SRGAP3: variants seen among roughly 807,000 people sequenced by gnomAD.
The protein encoded by SRGAP3 is SLIT-ROBO Rho GTPase activating protein 3.
Under a neutral mutation model 121.1 loss-of-function variants are expected in SRGAP3, and 39 were observed. The observed-to-expected ratio is 0.32, with a 90% CI of 0.25 to 0.42. SRGAP3 has a LOEUF of 0.42. Among genes scored for constraint, SRGAP3 ranks in the 10% least tolerant of loss-of-function variants. The pLI is 1.00. For synonymous variants in SRGAP3, 601 were observed against 570.0 expected (o/e 1.05, Z -0.77); for missense variants, 1,213 against 1,470.6 (o/e 0.82, Z 2.86).
At chr3:9,203,574 C>A (rs776141331) in intron 1 of SRGAP3, among the ~76,000 whole-genome samples, 1 of 152,258 alleles carries the variant, frequency 6.6e-6, no homozygotes, top group Admixed American at 6.5e-5. Flanking sequence ...TGCTCCTGCA[C>A]CCTCTGCCCA....
At position 8,980,884 on chromosome 3, in the gene SRGAP3, T is replaced by C; in HGVS notation, c.*4635A>G. 1 of 233,558 alleles carries C rather than the reference T, an allele frequency of 4.3e-6. No homozygotes were observed. The highest frequency in any genetic ancestry group is 8.5e-6 in the Non-Finnish European group (1 of 117,948). 14.5% of individuals were successfully genotyped at this position (233,558 alleles called of 1,614,324 possible). Reference sequence around the variant, plus strand: ...CTGAAGCAATCAGAATCAAACCTATTGCCAAACCATGTAAACAGTCACACT... The same window carrying C: ...CTGAAGCAATCAGAATCAAACCTATCGCCAAACCATGTAAACAGTCACACT... On this transcript the variant is annotated 3_prime_UTR_variant, in exon 22 of 22. Coordinates refer to ENST00000383836, the MANE Select transcript of SRGAP3 (RefSeq NM_014850.4).
At chr3:9,287,787 G>T (rs1054535357) in intron 3 of SRGAP3, among the ~76,000 whole-genome samples, 1 of 152,156 alleles carries the variant, frequency 6.6e-6, no homozygotes, top group Non-Finnish European at 1.5e-5. Flanking sequence ...CTCATTAGTG[G>T]TTTGTATTAT....
At chr3:9,078,362 C>T (rs1033957545) in intron 4 of SRGAP3, among the ~76,000 whole-genome samples, 2 of 152,132 alleles carry the variant, frequency 1.3e-5, no homozygotes, top group Admixed American at 6.5e-5. Flanking sequence ...AGGACCTAGA[C>T]TGGGGAGCAC....
At chr3:9,334,608 A>T (rs560763933) in intron 1 of SRGAP3, among the ~76,000 whole-genome samples, 2 of 152,162 alleles carry the variant, frequency 1.3e-5, no homozygotes, top group African/African-American at 4.8e-5. Context: ...TTTGCAGATA[A>T]TATTCTCATA....
chr3:9,094,258 C>G (rs931073131), intron 3 of SRGAP3, among the ~76,000 whole-genome samples: 4 of 152,024 alleles, frequency 2.6e-5, no homozygotes, highest in Admixed American at 1.3e-4. Context: ...TTTTTTCACC[C>G]AACATTAAGT....
At position 9,075,390 on chromosome 3, in the gene SRGAP3, T is replaced by TGTGTGCGC. The variant is rs1454621766; in HGVS notation, c.486+4634_486+4635insGCGCACAC. Among the ~76,000 whole-genome samples the TGTGTGCGC allele has an allele frequency of 3.2e-3, 480 of 148,614 alleles. 2 individuals are homozygous for TGTGTGCGC. The highest frequency in any genetic ancestry group is 0.024 in the Middle Eastern group (7 of 290). ...ATGTATGCAAGTGTGTGTGTGTGTG[T>TGTGTGCGC]GCGCGCGCACATATGTGCATAAACA... On this transcript the variant is annotated intron_variant, in intron 4 of 21. Transcript: ENST00000383836.
At chr3:9,024,188 CT>C (rs560656445) in intron 14 of SRGAP3, among the ~76,000 whole-genome samples, 4 of 152,092 alleles carry the variant, frequency 2.6e-5, no homozygotes, top group Non-Finnish European at 5.9e-5. Flanking sequence ...GGGTTGGGGT[CT>C]TCAGCACCAG....
At chr3:9,360,623 T>C (rs946730093) in intron 1 of SRGAP3, among the ~76,000 whole-genome samples, 1 of 152,196 alleles carries the variant, frequency 6.6e-6, no homozygotes, top group Non-Finnish European at 1.5e-5. Context: ...CTCACAATCA[T>C]GGTGGAAGGT....
chr3:9,028,025 C>A, intron 12 of SRGAP3: 2 of 1,567,846 alleles, frequency 1.3e-6, no homozygotes, highest in East Asian at 2.2e-5. Flanking sequence ...GCAAGGTGGG[C>A]TCTGTTCTGG....
chr3:9,092,111 G>A (rs754480764), intron 3 of SRGAP3, among the ~76,000 whole-genome samples: 4 of 152,008 alleles, frequency 2.6e-5, no homozygotes, highest in Non-Finnish European at 5.9e-5. Context: ...TAGCACCGTG[G>A]CCAGCATTTC....
intron 1 of SRGAP3, among the ~76,000 whole-genome samples, chr3:9,137,083 G>A (rs921342784): frequency 2.2e-4 from 34 of 152,300 alleles, no homozygotes; most frequent in South Asian, 8.3e-4. Context: ...CTATTATCCC[G>A]TTTTGCAGAG....
Position 9,135,491 on chromosome 3 carries a change from C to A in SRGAP3, c.68-10574G>T, listed in dbSNP as rs555397310. Among the ~76,000 whole-genome samples, 8 of 152,150 alleles carry A rather than the reference C, an allele frequency of 5.3e-5. No individual in the cohort carries two copies. The East Asian group carries it at 9.6e-4, about 18-fold the overall frequency. On this transcript the variant is annotated intron_variant, in intron 1 of 21. Transcript: ENST00000383836. ...CCTTGCCCTCCAACTCCAGCCCTAG[C>A]GGAGATGATGTGGCCCAGTGGATAG...
intron 1 of SRGAP3, among the ~76,000 whole-genome samples, chr3:9,350,291 C>T (rs937175601): frequency 2.0e-5 from 3 of 152,168 alleles, no homozygotes; most frequent in African/African-American, 7.2e-5. Flanking sequence ...ATGAAAATCT[C>T]CTTCTTGGAG....
intron 1 of SRGAP3, among the ~76,000 whole-genome samples, chr3:9,167,340 C>A (rs1305640607): frequency 6.6e-6 from 1 of 152,130 alleles, no homozygotes; most frequent in Non-Finnish European, 1.5e-5. Context: ...CCTCTTCACT[C>A]TCTCTCTCAT....
At chr3:9,282,267 T>G (rs1954693284) in intron 3 of SRGAP3, among the ~76,000 whole-genome samples, 1 of 152,236 alleles carries the variant, frequency 6.6e-6, no homozygotes, top group Non-Finnish European at 1.5e-5. Context: ...TTAAAACTAC[T>G]TATTAGTTTA....
intron 1 of SRGAP3, among the ~76,000 whole-genome samples, chr3:9,135,089 C>T (rs1949595565): frequency 6.6e-6 from 1 of 152,222 alleles, no homozygotes; most frequent in African/African-American, 2.4e-5. Flanking sequence ...TGGCTATTTG[C>T]ATTTAATTAA....
In SRGAP3 at chr3:9,013,322, T is replaced by C. The variant is rs1481073755; in HGVS notation, c.2133A>G (p.Gly711=). Residue 711 remains glycine, a synonymous_variant, in exon 17 of 22, where the codon GGA becomes GGG. Coordinates refer to ENST00000383836, the MANE Select transcript of SRGAP3 (RefSeq NM_014850.4). The part of the protein sequence containing the change: ...EGPVYEKCMA[G]GEEYCDSPHS... The stretch of plus-strand genomic sequence containing the variant: ...TGGCATCTTACCAATATTCTTCCCC[T>C]CCAGCCATGCATTTTTCATACACAG... 3 of 1,613,924 alleles carry C rather than the reference T, an allele frequency of 1.9e-6. No homozygotes were observed. The highest frequency in any genetic ancestry group is 1.7e-6 in the Non-Finnish European group (2 of 1,179,960).
chr3:8,991,419 C>T (rs1942050478), intron 20 of SRGAP3, among the ~76,000 whole-genome samples: 1 of 152,166 alleles, frequency 6.6e-6, no homozygotes, highest in South Asian at 2.1e-4. Flanking sequence ...CAAGAGTAAA[C>T]ACTGCATGGC....
In SRGAP3 at chr3:8,981,018, C is replaced by T. The variant is rs567285202; in HGVS notation, c.*4501G>A. The T allele has an allele frequency of 4.7e-5, 11 of 233,154 alleles. No homozygotes were observed. Among genetic ancestry groups the T allele is most frequent in the Admixed American group, 1.1e-4 (2 of 17,784 alleles). 14.4% of individuals were successfully genotyped at this position (233,154 alleles called of 1,614,324 possible). Reference sequence around the variant, plus strand: ...TTCAAGGAACAGCTTTGTTATTGGCCGGGGACAACTCACACAGAAAGGAGG... The same window carrying T: ...TTCAAGGAACAGCTTTGTTATTGGCTGGGGACAACTCACACAGAAAGGAGG... On this transcript the variant is annotated 3_prime_UTR_variant, in exon 22 of 22. Coordinates refer to ENST00000383836, the MANE Select transcript of SRGAP3 (RefSeq NM_014850.4).
Sources: allele counts gnomAD v4.1 joint callset (sites outside exome capture counted in the v4.1 genomes callset), GRCh38; gene constraint gnomAD v4.1.1; transcripts MANE v1.5; gene names NCBI Gene and HGNC (gene_info 2026-07-23, HGNC 2026-07-21).